Variants in LMO7 observed in about 807,000 individuals in gnomAD.
LMO7 encodes the protein LIM domain only protein 7.
Under a neutral mutation model 206.5 loss-of-function variants are expected in LMO7, and 120 were observed. The observed-to-expected ratio is 0.58, with a 90% confidence interval of 0.50 to 0.68. The LOEUF is 0.68. Ranked by LOEUF, LMO7 falls within the 30% of genes least tolerant of loss-of-function variation. The pLI is 0.00. For missense variants in LMO7, 1,959 were observed against 1,957.9 expected, an observed-to-expected ratio of 1.00 and a Z score of -0.01; for synonymous variants, 706 against 681.5, an observed-to-expected ratio of 1.04 and a Z score of -0.56.
chr13:75,743,165 T>C (rs1438630332), intron 3 of LMO7, among the ~76,000 whole-genome samples: 1 of 151,990 alleles, frequency 6.6e-6, no homozygotes, highest in East Asian at 1.9e-4. Context: ...AAAACCACAA[T>C]GAGATATCAT....
chr13:75,808,706 A>G (rs1448490251), intron 10 of LMO7, among the ~76,000 whole-genome samples: 1 of 152,154 alleles, frequency 6.6e-6, no homozygotes, highest in Non-Finnish European at 1.5e-5. Context: ...TTCAGAGTAA[A>G]CGTTGATGTT....
At chr13:75,650,929 T>TAA (rs2037494436) in intron 1 of LMO7, among the ~76,000 whole-genome samples, 1 of 152,234 alleles carries the variant, frequency 6.6e-6, no homozygotes, top group African/African-American at 2.4e-5. Context: ...GATGTCTTAT[T>TAA]AAAAATGAGC....
intron 1 of LMO7, among the ~76,000 whole-genome samples, chr13:75,686,355 C>G (rs1046663814): frequency 1.3e-5 from 2 of 152,012 alleles, no homozygotes; most frequent in African/African-American, 4.8e-5. Flanking sequence ...GATCAGATCT[C>G]GTGAGACTTA....
intron 4 of LMO7, among the ~76,000 whole-genome samples, chr13:75,768,783 T>C (rs2049241560): frequency 1.3e-5 from 2 of 152,230 alleles, no homozygotes; most frequent in South Asian, 4.1e-4. Flanking sequence ...TTGGAATAGG[T>C]GTTCAAAATC....
intron 1 of LMO7, among the ~76,000 whole-genome samples, chr13:75,669,538 A>C (rs1310253275): frequency 6.6e-6 from 1 of 152,170 alleles, no homozygotes; most frequent in East Asian, 1.9e-4. Flanking sequence ...AGTCTGGGTG[A>C]TAAGGCAAGG....
chr13:75,780,195 G>A (rs904662279), intron 4 of LMO7, among the ~76,000 whole-genome samples: 2 of 152,162 alleles, frequency 1.3e-5, no homozygotes, highest in African/African-American at 4.8e-5. Flanking sequence ...ACAGGAAACA[G>A]GGTTCAAGAG....
intron 4 of LMO7, among the ~76,000 whole-genome samples, chr13:75,762,590 G>A (rs2048342657): frequency 6.6e-6 from 1 of 152,162 alleles, no homozygotes; most frequent in South Asian, 2.1e-4. Context: ...TTCATGAGAT[G>A]TTGGGCCTAA....
intron 1 of LMO7, chr13:75,623,198 A>G: frequency 1.3e-6 from 1 of 754,330 alleles, no homozygotes; most frequent in Non-Finnish European, 2.3e-6. Flanking sequence ...TGCTCAATAA[A>G]TATTTGTTGA....
chr13:75,821,305 T>C lies in LMO7; in HGVS notation c.2336T>C (p.Val779Ala). ...GAAGCAAGTTACCAGAGTGAGAGAG[T>C]AGAAGAGAAGGGAGCAACTTATCCT... ...VSEASYQSER[V>A]EEKGATYPSE... The change falls in exon 14 of 31, where the codon GTA becomes GCA. Residue 779 changes from valine to alanine, a missense_variant. Coordinates refer to ENST00000377534, the MANE Select transcript of LMO7 (RefSeq NM_001306080.2). 6.2e-7 allele frequency: 1 copy of C among 1,613,918 alleles called. No individual in the cohort carries two copies. The highest frequency in any genetic ancestry group is 8.5e-7 in the Non-Finnish European group (1 of 1,179,940).
At chr13:75,724,961 G>C (rs999059497) in intron 2 of LMO7, among the ~76,000 whole-genome samples, 1 of 152,080 alleles carries the variant, frequency 6.6e-6, no homozygotes, top group Non-Finnish European at 1.5e-5. Flanking sequence ...GGTGGAAAAG[G>C]AATGCTAATC....
intron 4 of LMO7, among the ~76,000 whole-genome samples, chr13:75,786,166 A>G (rs904739167): frequency 6.6e-6 from 1 of 152,164 alleles, no homozygotes; most frequent in East Asian, 1.9e-4. Flanking sequence ...TTACATTGTC[A>G]TATGGGTTAA....
chr13:75,760,844 T>A, intron 3 of LMO7, 88 bp from the exon 4 acceptor site: 1 of 1,571,436 alleles, frequency 6.4e-7, no homozygotes, highest in Non-Finnish European at 8.6e-7. Flanking sequence ...AATTGGACTT[T>A]GAAGCTTCGA....
At chr13:75,843,672 T>G (rs547377586) in intron 25 of LMO7, among the ~76,000 whole-genome samples, 1 of 152,354 alleles carries the variant, frequency 6.6e-6, no homozygotes, top group East Asian at 1.9e-4. Flanking sequence ...TACATGTATC[T>G]TAAAATTTCC....
chr13:75,807,636 G>A lies in LMO7; in HGVS notation c.1353G>A (p.Met451Ile). 1 of 1,613,990 alleles carries A rather than the reference G, an allele frequency of 6.2e-7. No individual in the cohort carries two copies. Among genetic ancestry groups the A allele is most frequent in the Admixed American group, 1.7e-5 (1 of 60,026 alleles). Reference protein sequence around the residue: ...APGYRRDDLEMAALDPDLEND... With the variant: ...APGYRRDDLEIAALDPDLEND... The stretch of plus-strand genomic sequence containing the variant: ...GCTATAGAAGAGATGACCTCGAGAT[G>A]GCAGCCCTGGATCCTGACTTAGAGA... Residue 451 changes from methionine (M) to isoleucine (I), a missense_variant, in exon 10 of 31, where the codon ATG becomes ATA. Met to Ile is a conservative substitution (Grantham distance 10). Coordinates refer to ENST00000377534, the MANE Select transcript of LMO7 (RefSeq NM_001306080.2).
At position 75,853,274 on chromosome 13, in the gene LMO7, C is replaced by G. The variant is rs7988841; in HGVS notation, c.4547C>G (p.Pro1516Arg). 0.078 allele frequency: 126,592 copies of G among 1,613,732 alleles called. 5,736 individuals are homozygous for G. Among genetic ancestry groups the G allele is most frequent in the African/African-American group, 0.15 (11,622 of 74,990 alleles). Residue 1516 changes from proline to arginine, a missense_variant, in exon 28 of 31, where the codon CCA (proline) becomes CGA (arginine). Pro to Arg is a moderately radical substitution (Grantham distance 103). Transcript: ENST00000377534. ...CGGAACCCCTCCTCCAGCGTGCCCCCACCTTCAGCTGGCTCCGTGAAGACC... is the reference window on the plus strand; with the variant it reads ...CGGAACCCCTCCTCCAGCGTGCCCCGACCTTCAGCTGGCTCCGTGAAGACC... ...YMRNPSSSVP[P>R]PSAGSVKTST... is the part of the protein sequence containing the mutation.
intron 9 of LMO7, chr13:75,806,701 C>T (rs2055529468): frequency 6.6e-6 from 1 of 152,214 alleles, no homozygotes; most frequent in African/African-American, 2.4e-5. Flanking sequence ...AATTTATTTT[C>T]CCTTTTTCCT....
intron 3 of LMO7, 107 bp downstream of exon 3, chr13:75,727,205 G>C (rs547191069): frequency 1.6e-6 from 1 of 636,536 alleles, no homozygotes; most frequent in Non-Finnish European, 2.7e-6. Context: ...ATTAGGTTAT[G>C]GTTTTTTTGC....
At chr13:75,804,980 T>G (rs1415268943) in intron 8 of LMO7, 10 of 998,854 alleles carry the variant, frequency 1.0e-5, no homozygotes, top group East Asian at 2.1e-4. Context: ...GTTCGGACTC[T>G]GAGGATGAAC....
At chr13:75,729,966 C>T (rs2044958516) in intron 3 of LMO7, among the ~76,000 whole-genome samples, 2 of 151,904 alleles carry the variant, frequency 1.3e-5, no homozygotes, top group South Asian at 2.1e-4. Flanking sequence ...CCTTGCATCC[C>T]AGGGATGAAG....
Sources: allele counts gnomAD v4.1 joint callset (sites outside exome capture counted in the v4.1 genomes callset), GRCh38; gene constraint gnomAD v4.1.1; transcripts MANE v1.5; gene names NCBI Gene and HGNC (gene_info 2026-07-23, HGNC 2026-07-21).